CSMD1: variants seen among roughly 807,000 people sequenced by gnomAD.
CSMD1 encodes CUB and sushi domain-containing protein 1.
CSMD1 carries 213 observed loss-of-function variants against 417.5 expected under a neutral mutation model. The observed-to-expected ratio is 0.51, with a 90% CI of 0.46 to 0.57. The LOEUF (loss-of-function observed/expected upper bound fraction) is 0.57. Among genes scored for constraint, CSMD1 ranks in the 20% least tolerant of loss-of-function variants. The pLI is 0.00. For synonymous variants in CSMD1, 2,862 were observed against 1,736.8 expected, an observed-to-expected ratio of 1.65 and a Z score of -16.11; for missense variants, 6,923 against 4,529.7, an observed-to-expected ratio of 1.53 and a Z score of -15.17.
intron 1 of CSMD1, among the ~76,000 whole-genome samples, chr8:4,918,072 T>G (rs1390711639): frequency 1.4e-5 from 2 of 140,952 alleles, no homozygotes; most frequent in Non-Finnish European, 3.0e-5. Context: ...TTTCTCTGAT[T>G]ATGAGTTAGC....
intron 3 of CSMD1, among the ~76,000 whole-genome samples, chr8:4,059,724 T>C (rs1326830572): frequency 6.6e-6 from 1 of 151,972 alleles, no homozygotes; most frequent in African/African-American, 2.4e-5. Flanking sequence ...ACACCTACAC[T>C]CTCCCAAGAC....
At chr8:4,796,470 G>A (rs1236025435) in intron 1 of CSMD1, among the ~76,000 whole-genome samples, 1 of 149,472 alleles carries the variant, frequency 6.7e-6, no homozygotes. Flanking sequence ...ATATCTTTGA[G>A]AGCTTCTTGA....
intron 2 of CSMD1, among the ~76,000 whole-genome samples, chr8:4,484,830 G>A (rs1363885799): frequency 1.3e-5 from 2 of 151,632 alleles, no homozygotes; most frequent in Non-Finnish European, 2.9e-5. Flanking sequence ...AAAATTAGCC[G>A]GGCATGGTGG....
intron 3 of CSMD1, among the ~76,000 whole-genome samples, chr8:4,415,611 A>C (rs1321417710): frequency 6.6e-6 from 1 of 152,170 alleles, no homozygotes; most frequent in Non-Finnish European, 1.5e-5. Context: ...TTCACTAGTC[A>C]CTGACAATAA....
At chr8:3,765,179 C>T (rs13278056) in intron 5 of CSMD1, among the ~76,000 whole-genome samples, 23,768 of 152,126 alleles carry the variant, frequency 0.16, 1,919 homozygotes, top group Admixed American at 0.21. Flanking sequence ...CACGCCCTTT[C>T]GTGAACCTTG....
chr8:3,216,730 G>A (rs1025568730), intron 29 of CSMD1, among the ~76,000 whole-genome samples: 3 of 152,182 alleles, frequency 2.0e-5, no homozygotes, highest in Non-Finnish European at 2.9e-5. Flanking sequence ...TGTGTTGTCC[G>A]TGTCCGTTCC....
chr8:4,704,804 G>A (rs1003345360), intron 1 of CSMD1, among the ~76,000 whole-genome samples: 1 of 152,186 alleles, frequency 6.6e-6, no homozygotes, highest in East Asian at 1.9e-4. Flanking sequence ...ACCAGCCTGA[G>A]TGAGCTTGGA....
chr8:4,937,056 A>C (rs1336579781), intron 1 of CSMD1, among the ~76,000 whole-genome samples: 3 of 152,068 alleles, frequency 2.0e-5, no homozygotes, highest in Non-Finnish European at 4.4e-5. Context: ...ATGAACAATT[A>C]AAAATAATTA....
intron 3 of CSMD1, among the ~76,000 whole-genome samples, chr8:4,406,352 G>T (rs762762320): frequency 1.3e-5 from 2 of 152,186 alleles, no homozygotes; most frequent in South Asian, 4.1e-4. Flanking sequence ...ACAGAATTTA[G>T]GGAAAGAGAG....
At chr8:3,777,459 C>T (rs974964123) in intron 5 of CSMD1, among the ~76,000 whole-genome samples, 1 of 152,156 alleles carries the variant, frequency 6.6e-6, no homozygotes, top group Admixed American at 6.5e-5. Context: ...GGGAGCAGTG[C>T]TCATTCTGGT....
chr8:4,408,870 A>G (rs909348160), intron 3 of CSMD1, among the ~76,000 whole-genome samples: 2 of 152,194 alleles, frequency 1.3e-5, no homozygotes, highest in Non-Finnish European at 2.9e-5. Context: ...TTACGTTTAG[A>G]AACACAGATC....
At chr8:3,839,185 A>C (rs1196666772) in intron 5 of CSMD1, among the ~76,000 whole-genome samples, 1 of 126,612 alleles carries the variant, frequency 7.9e-6, no homozygotes, top group African/African-American at 2.9e-5. Flanking sequence ...ATTTATATAT[A>C]ATAAATAAAT....
chr8:3,420,883 G>C (rs1813445828), intron 12 of CSMD1, among the ~76,000 whole-genome samples: 1 of 151,904 alleles, frequency 6.6e-6, no homozygotes, highest in Admixed American at 6.6e-5. Context: ...TGCTTCCCAT[G>C]ATTGAGAAAA....
At chr8:3,100,421 T>C (rs1815650087) in intron 46 of CSMD1, among the ~76,000 whole-genome samples, 1 of 152,176 alleles carries the variant, frequency 6.6e-6, no homozygotes, top group African/African-American at 2.4e-5. Context: ...TTCTCCTCAG[T>C]GTTATAAACT....
chr8:3,769,856 G>C (rs1052010133), intron 5 of CSMD1, among the ~76,000 whole-genome samples: 58 of 152,272 alleles, frequency 3.8e-4, no homozygotes, highest in African/African-American at 1.4e-3. Flanking sequence ...TGGACTCCTA[G>C]AAGAAAAACG....
chr8:3,698,761 C>A (rs1047852058), intron 7 of CSMD1, among the ~76,000 whole-genome samples: 1 of 152,166 alleles, frequency 6.6e-6, no homozygotes, highest in Non-Finnish European at 1.5e-5. Context: ...TGAAGATTAT[C>A]CATATGCGGA....
rs914356063 is a variant in CSMD1 at position 4,357,513 on chromosome 8, C to T, written c.415+62440G>A. Among the ~76,000 whole-genome samples, 12 of 152,254 alleles carry T rather than the reference C, an allele frequency of 7.9e-5. No homozygotes were observed. In the South Asian group the frequency reaches 2.5e-3, roughly 32 times the overall value. On this transcript the variant is annotated intron_variant, in intron 3 of 69. Transcript: ENST00000635120. ...CATTACTTTATCCACAGTTCCTCTG[C>T]ACTACCATCTCTAAGTAAGTTGGAA... is the stretch of plus-strand genomic sequence containing the variant.
intron 3 of CSMD1, among the ~76,000 whole-genome samples, chr8:4,034,839 A>G (rs1267468382): frequency 1.3e-5 from 2 of 152,212 alleles, no homozygotes; most frequent in African/African-American, 4.8e-5. Context: ...AGGTGTCCAG[A>G]TAATTGTTCC....
intron 3 of CSMD1, among the ~76,000 whole-genome samples, chr8:4,335,838 T>C (rs1242754712): frequency 1.3e-5 from 2 of 151,756 alleles, no homozygotes; most frequent in Admixed American, 6.6e-5. Context: ...CAGGGGTTGA[T>C]TGGGGTATCT....
Sources: allele counts gnomAD v4.1 joint callset (sites outside exome capture counted in the v4.1 genomes callset), GRCh38; gene constraint gnomAD v4.1.1; transcripts MANE v1.5; gene names NCBI Gene and HGNC (gene_info 2026-07-23, HGNC 2026-07-21).